GBE1: variants seen among roughly 807,000 people sequenced by gnomAD.
GBE1 encodes the protein 1,4-alpha-glucan branching enzyme 1, also known as 1,4-alpha-glucan-branching enzyme.
Under a neutral mutation model 88.8 loss-of-function variants are expected in GBE1, and 70 were observed. The ratio of observed to expected loss-of-function variants is 0.79; its 90% confidence interval spans 0.65 to 0.96. The LOEUF (loss-of-function observed/expected upper bound fraction) is 0.96, where lower values mean the gene tolerates loss of function less well. GBE1 is among the 40% of genes least tolerant of loss of function. The pLI is 0.00. For missense variants in GBE1, 872 were observed against 871.0 expected, an observed-to-expected ratio of 1.00 and a Z score of -0.01; for synonymous variants, 284 against 300.1, an observed-to-expected ratio of 0.95 and a Z score of 0.56.
intron 2 of GBE1, among the ~76,000 whole-genome samples, chr3:81,679,355 G>A (rs1213313080): frequency 6.6e-6 from 1 of 152,082 alleles, no homozygotes; most frequent in Non-Finnish European, 1.5e-5. Flanking sequence ...CTGGATATGA[G>A]GATATTCAAC....
intron 14 of GBE1, among the ~76,000 whole-genome samples, chr3:81,511,943 G>A (rs185312747): frequency 1.3e-5 from 2 of 151,732 alleles, no homozygotes; most frequent in East Asian, 3.9e-4. Context: ...GGGAATCAAC[G>A]TAGGTGCCCA....
At position 81,761,645 on chromosome 3, in the gene GBE1, G is replaced by A. The variant is rs1706694351; in HGVS notation, c.-128C>T. 9.2e-6 allele frequency: 11 copies of A among 1,196,262 alleles called. No homozygotes were observed. The highest frequency in any genetic ancestry group is 1.3e-5 in the Non-Finnish European group (11 of 876,380). 74.1% of individuals were successfully genotyped at this position (1,196,262 alleles called of 1,614,324 possible). A position where few individuals can be genotyped will look rare whatever the true frequency, so the allele number is the denominator to read the frequency against. ...GCGCCTAGGCGTGTCGAGGCAAGCC[G>A]AGGCGAGCCGCGGCGGTCCGGGGCC... On this transcript the variant is annotated 5_prime_UTR_variant, in exon 1 of 16. Coordinates refer to ENST00000429644, the MANE Select transcript of GBE1 (RefSeq NM_000158.4).
At chr3:81,554,134 G>A (rs1703315648) in intron 12 of GBE1, among the ~76,000 whole-genome samples, 1 of 151,964 alleles carries the variant, frequency 6.6e-6, no homozygotes, top group South Asian at 2.1e-4. Context: ...TGGAACAGGA[G>A]ACTCAAAATA....
chr3:81,646,776 C>T (rs1250653095), intron 5 of GBE1, among the ~76,000 whole-genome samples: 1 of 152,074 alleles, frequency 6.6e-6, no homozygotes, highest in Non-Finnish European at 1.5e-5. Flanking sequence ...CGGCAATCTC[C>T]ATATGCTAAA....
chr3:81,512,199 G>A (rs933326816), intron 14 of GBE1, among the ~76,000 whole-genome samples: 3 of 151,792 alleles, frequency 2.0e-5, no homozygotes, highest in African/African-American at 7.3e-5. Flanking sequence ...ACTAGAGCCG[G>A]GAGAGTGGGA....
intron 2 of GBE1, among the ~76,000 whole-genome samples, chr3:81,698,800 G>C (rs978086604): frequency 2.6e-5 from 4 of 152,140 alleles, no homozygotes; most frequent in African/African-American, 7.2e-5. Context: ...AATGAAATCT[G>C]TTAAGCAAAA....
At chr3:81,505,592 G>T (rs1326799825) in intron 14 of GBE1, among the ~76,000 whole-genome samples, 1 of 152,098 alleles carries the variant, frequency 6.6e-6, no homozygotes, top group African/African-American at 2.4e-5. Flanking sequence ...CTACTTTATT[G>T]TCCTGAATCA....
At chr3:81,721,812 A>G (rs934600257) in intron 1 of GBE1, among the ~76,000 whole-genome samples, 3 of 152,320 alleles carry the variant, frequency 2.0e-5, no homozygotes, top group Middle Eastern at 6.8e-3. Context: ...GGTGATTTCA[A>G]TAACTGATAC....
chr3:81,749,176 C>T (rs1234212371), intron 1 of GBE1, among the ~76,000 whole-genome samples: 1 of 151,786 alleles, frequency 6.6e-6, no homozygotes, highest in Non-Finnish European at 1.5e-5. Flanking sequence ...TTTGTAATAG[C>T]CAAAAACTGG....
At chr3:81,643,576 A>G (rs1168255650) in intron 6 of GBE1, among the ~76,000 whole-genome samples, 2 of 152,166 alleles carry the variant, frequency 1.3e-5, no homozygotes, top group African/African-American at 2.4e-5. Flanking sequence ...GGTAACAAAA[A>G]TTACTCACAG....
At chr3:81,727,149 T>C (rs548383692) in intron 1 of GBE1, among the ~76,000 whole-genome samples, 21 of 152,326 alleles carry the variant, frequency 1.4e-4, no homozygotes, top group African/African-American at 4.8e-4. Flanking sequence ...TTCATAAAAA[T>C]ATGAAAATGC....
intron 14 of GBE1, among the ~76,000 whole-genome samples, chr3:81,532,665 C>A (rs1703025069): frequency 6.6e-6 from 1 of 152,034 alleles, no homozygotes; most frequent in African/African-American, 2.4e-5. Context: ...CAAAAACCTG[C>A]AGCAACTCAC....
intron 12 of GBE1, among the ~76,000 whole-genome samples, chr3:81,553,082 C>A (rs1703294789): frequency 6.6e-6 from 1 of 152,168 alleles, no homozygotes; most frequent in African/African-American, 2.4e-5. Flanking sequence ...AACTAGAAAT[C>A]TATTATGAAT....
intron 1 of GBE1, among the ~76,000 whole-genome samples, chr3:81,734,074 C>T (rs1706222840): frequency 6.6e-6 from 1 of 152,124 alleles, no homozygotes; most frequent in South Asian, 2.1e-4. Context: ...AAGGCAAAAA[C>T]TCTGGTTTAT....
intron 1 of GBE1, among the ~76,000 whole-genome samples, chr3:81,710,230 A>ATTTT (rs375326721): frequency 4.0e-5 from 3 of 74,706 alleles, no homozygotes; most frequent in African/African-American, 1.4e-4. Flanking sequence ...AAGGTAATTA[A>ATTTT]TCTTTTTTTT....
chr3:81,533,681 G>A (rs1049611245), intron 14 of GBE1, among the ~76,000 whole-genome samples: 9 of 152,112 alleles, frequency 5.9e-5, no homozygotes, highest in Admixed American at 5.9e-4. Context: ...AGCCACTCAT[G>A]TTAATATCAT....
At chr3:81,617,445 G>GGT (rs1704263760) in intron 7 of GBE1, among the ~76,000 whole-genome samples, 1 of 151,650 alleles carries the variant, frequency 6.6e-6, no homozygotes, top group Non-Finnish European at 1.5e-5. Context: ...ATTTCAAATG[G>GGT]GTGTTTAATT....
At chr3:81,603,641 CCCA>C (rs1434934372) in intron 7 of GBE1, among the ~76,000 whole-genome samples, 1 of 151,898 alleles carries the variant, frequency 6.6e-6, no homozygotes, top group East Asian at 1.9e-4. Flanking sequence ...ATTACAGGCA[CCCA>C]CCACCACGCC....
chr3:81,538,120 C>CA (rs2106873746), intron 12 of GBE1, among the ~76,000 whole-genome samples: 1 of 152,018 alleles, frequency 6.6e-6, no homozygotes, highest in East Asian at 1.9e-4. Context: ...ATTAGTGCTA[C>CA]AAATTTCTAA....
Sources: allele counts gnomAD v4.1 joint callset (sites outside exome capture counted in the v4.1 genomes callset), GRCh38; gene constraint gnomAD v4.1.1; transcripts MANE v1.5; gene names NCBI Gene and HGNC (gene_info 2026-07-23, HGNC 2026-07-21).